The following CYP2A7 variants were observed in gnomAD, a reference collection of about 807,000 sequenced individuals.
CYP2A7 encodes the protein cytochrome P450 family 2 subfamily A member 7.
Under a neutral mutation model 42.0 loss-of-function variants are expected in CYP2A7, and 36 were observed. The observed-to-expected ratio is 0.86, with a 90% CI of 0.66 to 1.13. The LOEUF is 1.13. Among genes scored for constraint, CYP2A7 ranks in the 50% most tolerant of loss-of-function variants. The pLI is 0.00. For missense variants in CYP2A7, 661 were observed against 634.1 expected (o/e 1.04, Z -0.46); for synonymous variants, 260 against 249.5 (o/e 1.04, Z -0.40).
intron 2 of CYP2A7, among the ~76,000 whole-genome samples, 172 bp downstream of exon 2, chr19:40,881,417 G>A (rs1283348141): frequency 6.6e-6 from 1 of 151,594 alleles, no homozygotes; most frequent in East Asian, 1.9e-4. Flanking sequence ...GGACGCTGGA[G>A]ACAGGTGAGG....
At chr19:40,875,986 G>A in intron 8 of CYP2A7, 112 bp from the exon 9 acceptor site, 2 of 1,465,956 alleles carry the variant, frequency 1.4e-6, no homozygotes, top group Admixed American at 2.6e-5. Context: ...GAATATTATG[G>A]CCTGAGAGAG....
At chr19:40,877,083 T>C in intron 7 of CYP2A7, 107 bp downstream of exon 7, 1 of 1,302,724 alleles carries the variant, frequency 7.7e-7, no homozygotes, top group Middle Eastern at 1.9e-4. Context: ...TTTTGACTGA[T>C]TGAGGGAGTG....
chr19:40,878,192 T>C (rs1313494434), intron 5 of CYP2A7, among the ~76,000 whole-genome samples, 199 bp from the exon 6 acceptor site: 1 of 151,468 alleles, frequency 6.6e-6, no homozygotes, highest in Non-Finnish European at 1.5e-5. Context: ...TCTCACCTTC[T>C]TTACGTTGCT....
Position 40,877,954 on chromosome 19 carries a change from G to T in CYP2A7, c.871C>A (p.Leu291Met). Reference sequence around the variant, plus strand: ...AAGAGGTTCAACGTGCTCATCATCAGGTTCTTCAAGTAGAACTCCGTGTTG... The same window carrying T: ...AAGAGGTTCAACGTGCTCATCATCATGTTCTTCAAGTAGAACTCCGTGTTG... The part of the protein sequence containing the change: ...NPNTEFYLKN[L>M]MMSTLNLFIA... The change falls in exon 6 of 9, where the codon CTG (leucine) becomes ATG (methionine). Residue 291 changes from leucine to methionine, a missense_variant. Physicochemically the swap from Leu to Met is conservative, Grantham distance 15 (BLOSUM62 2). Around this residue, in one of 3 missense-constraint regions of CYP2A7, gnomAD observed 614 missense variants for 552.4 expected, o/e 1.11. Transcript: ENST00000301146. The T allele has an allele frequency of 6.2e-7, 1 of 1,612,592 alleles. No homozygotes were observed. The highest frequency in any genetic ancestry group is 8.5e-7 in the Non-Finnish European group (1 of 1,179,034).
chr19:40,877,466 C>G lies in CYP2A7; in HGVS notation c.974-89G>C. On this transcript the variant is annotated intron_variant, in intron 6 of 8. Coordinates refer to ENST00000301146, the MANE Select transcript of CYP2A7 (RefSeq NM_000764.3). ...AATAGGTAAAACGGGGTGGATGATA[C>G]GGCTCCCCCTATGAGACGGAGGTAG... The G allele has an allele frequency of 5.8e-6, 9 of 1,550,874 alleles. No individual in the cohort carries two copies. In the South Asian group the frequency reaches 8.5e-5, roughly 15 times the overall value.
At position 40,875,598 on chromosome 19, in the gene CYP2A7, C is replaced by T. The variant is rs1060095; in HGVS notation, c.*95G>A. On this transcript the variant is annotated 3_prime_UTR_variant, in exon 9 of 9. Coordinates refer to ENST00000301146, the MANE Select transcript of CYP2A7 (RefSeq NM_000764.3). ...CACGCCCCTTCCTTTCCCGCATCTT[C>T]CCCCCATTCTTATACCCGCCTCTTC... 5 of 1,585,780 alleles carry T rather than the reference C, an allele frequency of 3.2e-6. No homozygotes were observed. Among genetic ancestry groups the T allele is most frequent in the Non-Finnish European group, 3.4e-6 (4 of 1,161,726 alleles).
chr19:40,876,820 T>G, intron 7 of CYP2A7, 152 bp from the exon 8 acceptor site: 1 of 1,071,200 alleles, frequency 9.3e-7, no homozygotes, highest in Non-Finnish European at 1.3e-6. Context: ...CTTTGGGGAA[T>G]AGAAGGTTCA....
rs779313607 is a variant in CYP2A7 at position 40,876,669 on chromosome 19, C to T, written c.1162-1G>A. ...CCAGCATAGGGAACACTTCGGTGCC[C>T]TGGTAGGGAGGAGGAAGTTGTGTGT... is the stretch of plus-strand genomic sequence containing the variant. On this transcript the variant is annotated splice_acceptor_variant, in intron 7 of 8. Coordinates refer to ENST00000301146, the MANE Select transcript of CYP2A7 (RefSeq NM_000764.3). LOFTEE classifies it high-confidence loss of function. The T allele has an allele frequency of 3.1e-6, 5 of 1,610,624 alleles. No individual in the cohort carries two copies. Among genetic ancestry groups the T allele is most frequent in the Non-Finnish European group, 3.4e-6 (4 of 1,177,802 alleles).
chr19:40,877,673 T>G (rs536955014), intron 6 of CYP2A7, among the ~76,000 whole-genome samples, 179 bp downstream of exon 6: 76 of 151,584 alleles, frequency 5.0e-4, no homozygotes, highest in African/African-American at 1.8e-3. Flanking sequence ...GCAGACATTT[T>G]CAATATTTTA....
At chr19:40,878,320 C>G (rs989364637) in intron 5 of CYP2A7, among the ~76,000 whole-genome samples, 2 of 151,834 alleles carry the variant, frequency 1.3e-5, no homozygotes, top group Non-Finnish European at 1.5e-5. Context: ...ATCCTCCACC[C>G]TTAGCCTCCT....
At chr19:40,881,479 C>G (rs376628138) in intron 2 of CYP2A7, 110 bp downstream of exon 2, 16 of 1,555,222 alleles carry the variant, frequency 1.0e-5, no homozygotes, top group Non-Finnish European at 1.4e-5. Context: ...AAGACCAGAC[C>G]GGGGGTTCTG....
At chr19:40,881,538 G>A (rs373401949) in intron 2 of CYP2A7, 51 bp downstream of exon 2, 2 of 1,607,642 alleles carry the variant, frequency 1.2e-6, no homozygotes, top group Non-Finnish European at 8.5e-7. Context: ...TGGCAACACT[G>A]AGACCATCGT....
At chr19:40,878,197 G>A (rs2935235) in intron 5 of CYP2A7, among the ~76,000 whole-genome samples, 6 of 150,978 alleles carry the variant, frequency 4.0e-5, no homozygotes, top group Non-Finnish European at 5.9e-5. Context: ...CCTTCTTTAC[G>A]TTGCTGACCA....
chr19:40,881,401 C>T (rs10424691), intron 2 of CYP2A7, among the ~76,000 whole-genome samples, 188 bp downstream of exon 2: 38 of 150,292 alleles, frequency 2.5e-4, no homozygotes, highest in African/African-American at 8.5e-4. Flanking sequence ...GGAGGAATCA[C>T]GACAGGGACG....
intron 2 of CYP2A7, among the ~76,000 whole-genome samples, 194 bp downstream of exon 2, chr19:40,881,395 G>A (rs10425037): frequency 0.5 from 74,698 of 150,472 alleles, 19,182 homozygotes; most frequent in Admixed American, 0.61. Context: ...AGGCAGGGAG[G>A]AATCACGACA....
chr19:40,880,286 C>T (rs1967625572), intron 3 of CYP2A7, 42 bp from the exon 4 acceptor site: 1 of 1,608,778 alleles, frequency 6.2e-7, no homozygotes, highest in Middle Eastern at 1.7e-4. Context: ...AGAGAGTCAA[C>T]TCAGAGGTCT....
Position 40,878,934 on chromosome 19 carries a change from G to C in CYP2A7, c.657C>G (p.Leu219=). 1 of 1,607,376 alleles carries C rather than the reference G, an allele frequency of 6.2e-7. No homozygotes were observed. Among genetic ancestry groups the C allele is most frequent in the Non-Finnish European group, 8.5e-7 (1 of 1,175,502 alleles). Residue 219 remains leucine (L), a splice_region_variant and synonymous_variant, in exon 5 of 9, where the codon CTC becomes CTG. Coordinates refer to ENST00000301146, the MANE Select transcript of CYP2A7 (RefSeq NM_000764.3). The stretch of plus-strand genomic sequence containing the variant: ...TCATCACCGAAGAGAACATCTCATA[G>C]AGCTGGGGTTGCAGAGAGAGGATGG... The part of the protein sequence containing the change: ...FQFTSTSTGQ[L]YEMFSSVMKH...
chr19:40,875,735 G>A lies in CYP2A7; in HGVS notation c.1443C>T (p.Ala481=), dbSNP rs1448808164. Residue 481 remains alanine, a synonymous_variant, in exon 9 of 9, where the codon GCC becomes GCT. Transcript: ENST00000301146. ...IDVSPKHVVF[A]TIPRNYTMSF... ...TCATGGTGTAGTTTCGTGGGATCGT[G>A]GCAAAGACCACGTGTTTGGGGGACA... 1.2e-6 allele frequency: 2 copies of A among 1,609,200 alleles called. No homozygotes were observed. The highest frequency in any genetic ancestry group is 1.7e-6 in the Non-Finnish European group (2 of 1,176,812).
rs192884225 is a variant in CYP2A7, at chr19:40,875,662, C to G, written c.*31G>C. ...CTGACCCCGCCTTTCCCTGGCCCCGCCCACCAGACCTGCACCGGCACAGCC... is the reference window on the plus strand; with the variant it reads ...CTGACCCCGCCTTTCCCTGGCCCCGGCCACCAGACCTGCACCGGCACAGCC... On this transcript the variant is annotated 3_prime_UTR_variant, in exon 9 of 9. Coordinates refer to ENST00000301146, the MANE Select transcript of CYP2A7 (RefSeq NM_000764.3). The G allele has an allele frequency of 1.5e-4, 242 of 1,611,030 alleles. No individual in the cohort carries two copies. In the African/African-American group the frequency reaches 3.1e-3, roughly 20 times the overall value.
Sources: allele counts gnomAD v4.1 joint callset (sites outside exome capture counted in the v4.1 genomes callset), GRCh38; gene constraint gnomAD v4.1.1; regional missense constraint gnomAD v4.1.1; transcripts MANE v1.5; gene names NCBI Gene and HGNC (gene_info 2026-07-23, HGNC 2026-07-21).